Variants in CSNK1G3 observed in about 807,000 individuals in gnomAD.
CSNK1G3 encodes casein kinase 1 gamma 3.
Under a neutral mutation model 64.3 loss-of-function variants are expected in CSNK1G3, and 23 were observed. The ratio of observed to expected loss-of-function variants is 0.36; its 90% CI spans 0.26 to 0.51. CSNK1G3 has a LOEUF of 0.51. CSNK1G3 is among the 20% of genes least tolerant of loss of function. The probability of loss-of-function intolerance (pLI) is 0.96; values close to 1 mark genes in which losing one functional copy is unlikely to be tolerated. For missense variants in CSNK1G3, 357 were observed against 510.5 expected (o/e 0.70, Z 2.90); for synonymous variants, 158 against 162.2 (o/e 0.97, Z 0.20).
intron 10 of CSNK1G3, among the ~76,000 whole-genome samples, chr5:123,604,373 T>C (rs921476696): frequency 4.6e-5 from 7 of 151,990 alleles, no homozygotes; most frequent in African/African-American, 1.7e-4. Context: ...ATTCATGATA[T>C]AGCAAGGTGC....
rs532402512 is a variant in CSNK1G3 at position 123,536,638 on chromosome 5, T to C, written c.-247-8779T>C. 2.6e-5 allele frequency among the ~76,000 whole-genome samples: 4 copies of C among 152,216 alleles called. No individual in the cohort carries two copies. The East Asian group carries it at 5.8e-4, about 22-fold the overall frequency. Reference sequence around the variant, plus strand: ...ACTCTGATGTGATCACTATATAGTATGTGTATTGAAACATCACCATGTACC... The same window carrying C: ...ACTCTGATGTGATCACTATATAGTACGTGTATTGAAACATCACCATGTACC... On this transcript the variant is annotated intron_variant, in intron 1 of 12. Coordinates refer to ENST00000345990, the Ensembl canonical transcript of CSNK1G3.
intron 12 of CSNK1G3, among the ~76,000 whole-genome samples, chr5:123,611,794 T>A (rs1042622506): frequency 2.6e-5 from 4 of 152,208 alleles, no homozygotes; most frequent in African/African-American, 9.6e-5. Context: ...ATGGCCATAT[T>A]CTTAAATTTA....
At chr5:123,593,718 T>G (rs1185132563) in intron 10 of CSNK1G3, among the ~76,000 whole-genome samples, 1 of 152,090 alleles carries the variant, frequency 6.6e-6, no homozygotes, top group Non-Finnish European at 1.5e-5. Context: ...CGAAAAGACA[T>G]TATAGAACTG....
intron 12 of CSNK1G3, among the ~76,000 whole-genome samples, chr5:123,608,049 C>T (rs1795665930): frequency 6.6e-6 from 1 of 151,954 alleles, no homozygotes; most frequent in African/African-American, 2.4e-5. Flanking sequence ...CCTGCCCCAG[C>T]CCCCCCAGTA....
At chr5:123,593,946 G>A (rs1036991738) in intron 10 of CSNK1G3, among the ~76,000 whole-genome samples, 1 of 152,002 alleles carries the variant, frequency 6.6e-6, no homozygotes, top group Non-Finnish European at 1.5e-5. Context: ...GAAAAAGAAA[G>A]AAAAGAGTAC....
At chr5:123,563,167 TAA>T (rs1320670983) in intron 4 of CSNK1G3, among the ~76,000 whole-genome samples, 1 of 152,070 alleles carries the variant, frequency 6.6e-6, no homozygotes, top group African/African-American at 2.4e-5. Flanking sequence ...TCAGAGGAAG[TAA>T]ATGATCTTTT....
intron 6 of CSNK1G3, among the ~76,000 whole-genome samples, chr5:123,579,790 G>A (rs1789901084): frequency 6.6e-6 from 1 of 151,878 alleles, no homozygotes; most frequent in African/African-American, 2.4e-5. Flanking sequence ...GTATTTATTT[G>A]GCAGGTATAG....
intron 1 of CSNK1G3, among the ~76,000 whole-genome samples, chr5:123,525,373 G>GCA (rs1320390641): frequency 6.6e-6 from 1 of 150,422 alleles, no homozygotes; most frequent in East Asian, 2.0e-4. Flanking sequence ...GTGCAGTGGT[G>GCA]CGATCTCGGC....
chr5:123,610,345 CA>C (rs1485884583), intron 12 of CSNK1G3, among the ~76,000 whole-genome samples: 2 of 152,096 alleles, frequency 1.3e-5, no homozygotes, highest in Non-Finnish European at 2.9e-5. Context: ...CAACCCAGGT[CA>C]GGAGAAACTA....
At chr5:123,551,447 G>A (rs996828868) in intron 2 of CSNK1G3, among the ~76,000 whole-genome samples, 2 of 152,134 alleles carry the variant, frequency 1.3e-5, no homozygotes, top group Non-Finnish European at 2.9e-5. Flanking sequence ...TGGAACTTCT[G>A]TTGAGTTCCA....
At chr5:123,575,860 G>A (rs761699337) in exon 6 of CSNK1G3, 4 of 1,613,512 alleles carry the variant, frequency 2.5e-6, no homozygotes, top group Non-Finnish European at 3.4e-6. Context: ...GTTTGGCAAA[G>A]GAATATATTG....
rs1009531678 is a variant in CSNK1G3, at chr5:123,551,792, A to G, written c.179-1315A>G. On this transcript the variant is annotated intron_variant, in intron 2 of 12. Coordinates refer to ENST00000345990, the Ensembl canonical transcript of CSNK1G3. ...CAGGGCCAGTTACTCTCACTATTAA[A>G]AAAAACCCCAAAAAACTATCATTGT... 2.0e-5 allele frequency among the ~76,000 whole-genome samples: 3 copies of G among 152,166 alleles called. No individual in the cohort carries two copies. The South Asian group carries it at 6.2e-4, about 32-fold the overall frequency.
chr5:123,537,306 G>GTCAT (rs984992125), intron 1 of CSNK1G3, among the ~76,000 whole-genome samples: 20 of 151,974 alleles, frequency 1.3e-4, no homozygotes, highest in African/African-American at 4.4e-4. Context: ...AGAACTGGAG[G>GTCAT]TCATTATCTT....
At chr5:123,518,223 T>C (rs1206490284) in intron 1 of CSNK1G3, among the ~76,000 whole-genome samples, 1 of 152,246 alleles carries the variant, frequency 6.6e-6, no homozygotes, top group African/African-American at 2.4e-5. Context: ...TTGAGCCTCC[T>C]ATCTCACCTA....
intron 4 of CSNK1G3, among the ~76,000 whole-genome samples, chr5:123,562,455 A>G (rs1010219105): frequency 1.3e-5 from 2 of 152,120 alleles, no homozygotes; most frequent in African/African-American, 4.8e-5. Flanking sequence ...GGTTGAAAGA[A>G]TAAATTCTTA....
At chr5:123,515,702 G>T (rs1442110690) in intron 1 of CSNK1G3, among the ~76,000 whole-genome samples, 1 of 152,048 alleles carries the variant, frequency 6.6e-6, no homozygotes, top group Admixed American at 6.5e-5. Context: ...AAAATTGTTT[G>T]AAGTTTTTTT....
chr5:123,593,153 C>T (rs1426638928), intron 10 of CSNK1G3, among the ~76,000 whole-genome samples: 1 of 151,112 alleles, frequency 6.6e-6, no homozygotes, highest in Admixed American at 6.6e-5. Context: ...AACCATGTTT[C>T]ATTTGTCCAG....
At chr5:123,560,516 A>T (rs563299875) in intron 4 of CSNK1G3, among the ~76,000 whole-genome samples, 1 of 152,166 alleles carries the variant, frequency 6.6e-6, no homozygotes, top group Non-Finnish European at 1.5e-5. Context: ...TATACATAAG[A>T]TGGAATATTA....
intron 9 of CSNK1G3, among the ~76,000 whole-genome samples, chr5:123,591,010 T>C (rs1044244843): frequency 6.6e-6 from 1 of 152,068 alleles, no homozygotes; most frequent in Non-Finnish European, 1.5e-5. Flanking sequence ...CATAAACATA[T>C]ACATTTTTAT....
Sources: allele counts gnomAD v4.1 joint callset (sites outside exome capture counted in the v4.1 genomes callset), GRCh38; gene constraint gnomAD v4.1.1; transcripts MANE v1.5; gene names NCBI Gene and HGNC (gene_info 2026-07-23, HGNC 2026-07-21).